Variants in RTL4 observed in about 807,000 individuals in gnomAD.
RTL4 encodes the protein retrotransposon Gag-like protein 4.
A neutral mutation model predicts 5.3 loss-of-function variants in RTL4; 4 were observed. The ratio of observed to expected loss-of-function variants is 0.75; its 90% CI spans 0.37 to 1.72. RTL4 has a LOEUF of 1.72. Ranked by LOEUF, RTL4 falls within the 40% of genes most tolerant of loss-of-function variation. The probability of loss-of-function intolerance (pLI) is 0.04; values close to 1 mark genes in which losing one functional copy is unlikely to be tolerated. For synonymous variants in RTL4, 98 were observed against 87.3 expected (o/e 1.12, Z -0.68); for missense variants, 260 against 227.1 (o/e 1.14, Z -0.93).
chrX:112,230,866 C>A, the RTL4 span, among the ~76,000 whole-genome samples: 1 of 111,205 alleles, frequency 9.0e-6, no homozygotes, highest in Non-Finnish European at 1.9e-5. Context: ...ACAATGAACT[C>A]AAACAAATTT....
chrX:112,446,604 T>C, the RTL4 span, among the ~76,000 whole-genome samples: 1 of 112,473 alleles, frequency 8.9e-6, no homozygotes, highest in South Asian at 3.7e-4. Flanking sequence ...TCCCAGCATT[T>C]TGGGAAGCCA....
chrX:112,241,402 G>A, the RTL4 span, among the ~76,000 whole-genome samples: 3 of 111,634 alleles, frequency 2.7e-5, no homozygotes, highest in Admixed American at 9.5e-5. Flanking sequence ...ATGTAAGATG[G>A]TATCTCATTG....
At chrX:112,332,645 C>T in the RTL4 span, among the ~76,000 whole-genome samples, 26 of 90,935 alleles carry the variant, frequency 2.9e-4, no homozygotes, top group Admixed American at 1.5e-4. Flanking sequence ...AACACAAGCA[C>T]ACAGGAAGGG....
chrX:112,151,905 G>C, the RTL4 span, among the ~76,000 whole-genome samples: 1 of 112,237 alleles, frequency 8.9e-6, no homozygotes, highest in Non-Finnish European at 1.9e-5. Context: ...AAAGGAAGGG[G>C]AAGTAGCCCC....
chrX:112,306,093 A>C, the RTL4 span, among the ~76,000 whole-genome samples: 1 of 111,737 alleles, frequency 8.9e-6, no homozygotes, highest in African/African-American at 3.3e-5. Flanking sequence ...GCTGGTTTTC[A>C]AAAGTCTTAT....
At chrX:112,345,715 C>T in the RTL4 span, among the ~76,000 whole-genome samples, 1 of 111,056 alleles carries the variant, frequency 9.0e-6, no homozygotes, top group African/African-American at 3.3e-5. Context: ...AGGTACTATT[C>T]CCAGCATCAT....
the RTL4 span, among the ~76,000 whole-genome samples, chrX:112,275,771 A>T: frequency 9.3e-5 from 10 of 107,147 alleles, no homozygotes; most frequent in African/African-American, 2.2e-4. Context: ...CTTTCTGTAT[A>T]AAAAAAAATG....
the RTL4 span, among the ~76,000 whole-genome samples, chrX:112,260,040 G>A: frequency 9.0e-6 from 1 of 111,691 alleles, no homozygotes; most frequent in Admixed American, 9.5e-5. Flanking sequence ...TGGTCCTGAC[G>A]AGGCCAATCC....
At chrX:112,297,004 G>A in the RTL4 span, among the ~76,000 whole-genome samples, 1 of 110,159 alleles carries the variant, frequency 9.1e-6, no homozygotes, top group East Asian at 2.8e-4. Flanking sequence ...CAGGTGAAGT[G>A]GAAGGACAGA....
At chrX:112,437,462 G>A in the RTL4 span, among the ~76,000 whole-genome samples, 25 of 111,576 alleles carry the variant, frequency 2.2e-4, no homozygotes, top group Non-Finnish European at 2.4e-4. Context: ...GGTGATGGAT[G>A]TTAATTAGTT....
chrX:112,321,037 G>T, the RTL4 span, among the ~76,000 whole-genome samples: 3 of 111,319 alleles, frequency 2.7e-5, no homozygotes, highest in African/African-American at 9.8e-5. Context: ...TCTTGGGTTT[G>T]TAAGGCCTGC....
At chrX:112,093,004 C>A in the RTL4 span, among the ~76,000 whole-genome samples, 1 of 110,860 alleles carries the variant, frequency 9.0e-6, no homozygotes, top group East Asian at 2.9e-4. Context: ...TTCTATTATC[C>A]CAGTCCTCAA....
the RTL4 span, among the ~76,000 whole-genome samples, chrX:112,237,401 A>AGAATTCTTT: frequency 8.9e-6 from 1 of 112,087 alleles, no homozygotes; most frequent in Admixed American, 9.5e-5. Flanking sequence ...TTTTGCCCTT[A>AGAATTCTTT]GAATTCTTTG....
At chrX:112,324,375 G>C in the RTL4 span, among the ~76,000 whole-genome samples, 1 of 111,451 alleles carries the variant, frequency 9.0e-6, no homozygotes, top group African/African-American at 3.3e-5. Context: ...TTTTGCTTTT[G>C]TTTCCTAAGC....
chrX:112,134,162 T>A, the RTL4 span, among the ~76,000 whole-genome samples: 2 of 112,230 alleles, frequency 1.8e-5, no homozygotes, highest in African/African-American at 3.2e-5. Context: ...CAGATAATAG[T>A]GGAGCCTCTC....
the RTL4 span, among the ~76,000 whole-genome samples, chrX:112,376,367 G>T: frequency 1.9e-4 from 21 of 111,525 alleles, no homozygotes; most frequent in Admixed American, 2.9e-4. Flanking sequence ...GGGGATGCAT[G>T]GGAACCAAGT....
chrX:112,191,490 A>T, the RTL4 span, among the ~76,000 whole-genome samples: 1 of 111,840 alleles, frequency 8.9e-6, no homozygotes, highest in East Asian at 2.8e-4. Context: ...AGAAAAGCCT[A>T]GACCCATTTG....
the RTL4 span, among the ~76,000 whole-genome samples, chrX:112,434,787 A>T: frequency 8.9e-6 from 1 of 111,765 alleles, no homozygotes; most frequent in Admixed American, 9.6e-5. Flanking sequence ...TTTGTTTACC[A>T]TGGATCTCTT....
the RTL4 span, among the ~76,000 whole-genome samples, chrX:112,240,914 T>C: frequency 1.8e-5 from 2 of 110,558 alleles, no homozygotes; most frequent in Non-Finnish European, 3.8e-5. Context: ...TGAGAACATG[T>C]GGTGTTTGGT....
Sources: allele counts gnomAD v4.1 joint callset (sites outside exome capture counted in the v4.1 genomes callset), GRCh38; gene constraint gnomAD v4.1.1; transcripts MANE v1.5; gene names NCBI Gene and HGNC (gene_info 2026-07-23, HGNC 2026-07-21).